PTPRN2: variants seen among roughly 807,000 people sequenced by gnomAD.
The protein encoded by PTPRN2 is receptor-type tyrosine-protein phosphatase N2.
A neutral mutation model predicts 118.8 loss-of-function variants in PTPRN2; 74 were observed. That is an observed-to-expected ratio of 0.62 (90% confidence interval 0.52 to 0.76). The LOEUF (loss-of-function observed/expected upper bound fraction) is 0.76. Among genes scored for constraint, PTPRN2 ranks in the 30% least tolerant of loss-of-function variants. The probability of loss-of-function intolerance (pLI) is 0.00; values close to 1 mark genes in which losing one functional copy is unlikely to be tolerated. For synonymous variants in PTPRN2, 641 were observed against 608.0 expected, an observed-to-expected ratio of 1.05 and a Z score of -0.80; for missense variants, 1,481 against 1,394.4, an observed-to-expected ratio of 1.06 and a Z score of -0.99.
intron 11 of PTPRN2, among the ~76,000 whole-genome samples, chr7:157,950,655 T>C (rs1800751531): frequency 6.6e-6 from 1 of 152,248 alleles, no homozygotes; most frequent in Admixed American, 6.5e-5. Context: ...CAACAAAATC[T>C]GCCATTGCTG....
Position 158,150,312 on chromosome 7 carries a change from C to T in PTPRN2, c.911-11797G>A, listed in dbSNP as rs369954471. Among the ~76,000 whole-genome samples the T allele has an allele frequency of 6.6e-5, 10 of 152,242 alleles. No homozygotes were observed. In the East Asian group the frequency reaches 7.7e-4, roughly 12 times the overall value. On this transcript the variant is annotated intron_variant, in intron 6 of 22. Coordinates refer to ENST00000389418, the MANE Select transcript of PTPRN2 (RefSeq NM_002847.5). Reference sequence around the variant, plus strand: ...CTGCTAAAGGCTAACGTAACCAGAACATTCAGCTGACAAGCATGTTCCATT... The same window carrying T: ...CTGCTAAAGGCTAACGTAACCAGAATATTCAGCTGACAAGCATGTTCCATT...
intron 11 of PTPRN2, among the ~76,000 whole-genome samples, chr7:157,941,854 C>A (rs182252244): frequency 4.5e-4 from 69 of 152,288 alleles, no homozygotes; most frequent in Middle Eastern, 3.4e-3. Flanking sequence ...TCAAGCCTCA[C>A]TGTGTGGCCA....
intron 11 of PTPRN2, among the ~76,000 whole-genome samples, chr7:157,924,302 A>G (rs1021031230): frequency 7.2e-5 from 11 of 152,194 alleles, no homozygotes; most frequent in African/African-American, 2.7e-4. Flanking sequence ...TGTCCATTGG[A>G]ACATCAGAAA....
intron 1 of PTPRN2, among the ~76,000 whole-genome samples, chr7:158,586,753 C>A (rs1298730434): frequency 3.3e-5 from 5 of 152,196 alleles, no homozygotes; most frequent in African/African-American, 1.2e-4. Context: ...CGGCGCTGCC[C>A]GCGGGGGGGT....
chr7:158,203,151 G>A (rs565935150), intron 4 of PTPRN2, among the ~76,000 whole-genome samples: 2 of 136,824 alleles, frequency 1.5e-5, no homozygotes, highest in African/African-American at 5.4e-5. Flanking sequence ...AGAATTGCTT[G>A]AACCCAAGAG....
intron 2 of PTPRN2, among the ~76,000 whole-genome samples, chr7:158,332,396 C>A (rs1468156900): frequency 7.7e-6 from 1 of 129,180 alleles, no homozygotes; most frequent in Non-Finnish European, 1.8e-5. Flanking sequence ...AGATGTCACT[C>A]ACACCCATAC....
chr7:158,008,034 GGT>G (rs1367333780), intron 11 of PTPRN2, among the ~76,000 whole-genome samples: 1 of 142,142 alleles, frequency 7.0e-6, no homozygotes, highest in East Asian at 2.2e-4. Context: ...TGTGTGTGGG[GGT>G]GTGGGTGTGT....
intron 2 of PTPRN2, among the ~76,000 whole-genome samples, chr7:158,412,808 A>G (rs1343545964): frequency 7.9e-6 from 1 of 126,146 alleles, no homozygotes; most frequent in Admixed American, 7.9e-5. Flanking sequence ...TCCAGGGCCC[A>G]TCTCAGCACC....
chr7:157,989,368 G>A (rs1010151038), intron 11 of PTPRN2, among the ~76,000 whole-genome samples: 1 of 152,178 alleles, frequency 6.6e-6, no homozygotes, highest in African/African-American at 2.4e-5. Flanking sequence ...GCAGTGAGCC[G>A]AGATTGCACT....
At position 157,903,446 on chromosome 7, in the gene PTPRN2, G is replaced by A; in HGVS notation, c.1724-4709C>T. 6.6e-6 allele frequency among the ~76,000 whole-genome samples: 1 copy of A among 152,052 alleles called. No homozygotes were observed. Among genetic ancestry groups the A allele is most frequent in the Non-Finnish European group, 1.5e-5 (1 of 68,010 alleles). ...ACCAGTATACCCAGGTCACAAGCCT[G>A]CACATGTACTCCCAGATTCTAAAAT... is the stretch of plus-strand genomic sequence containing the variant. On this transcript the variant is annotated intron_variant, in intron 11 of 22. Transcript: ENST00000389418. This position sits in a 1 kb window ranked among gnomAD's most constrained non-coding sequence, Gnocchi z 4.2.
chr7:158,204,089 C>T (rs545571549), intron 4 of PTPRN2, among the ~76,000 whole-genome samples: 28 of 150,282 alleles, frequency 1.9e-4, no homozygotes, highest in African/African-American at 6.1e-4. Flanking sequence ...GTGGTGAAGA[C>T]GAAGCCCCCG....
chr7:157,989,863 C>T (rs1804110114), intron 11 of PTPRN2, among the ~76,000 whole-genome samples: 1 of 152,094 alleles, frequency 6.6e-6, no homozygotes, highest in South Asian at 2.1e-4. Flanking sequence ...TCCTTCCACA[C>T]TCGGCCAAGG....
At chr7:158,385,065 T>C (rs1255859962) in intron 2 of PTPRN2, among the ~76,000 whole-genome samples, 1 of 152,170 alleles carries the variant, frequency 6.6e-6, no homozygotes, top group East Asian at 1.9e-4. Context: ...CTAATGGAGT[T>C]TCTGATGTTT....
chr7:157,846,990 G>A (rs879050671), intron 12 of PTPRN2, among the ~76,000 whole-genome samples: 2 of 150,012 alleles, frequency 1.3e-5, no homozygotes, highest in Non-Finnish European at 3.0e-5. Flanking sequence ...ACTCCTTCAT[G>A]TGTGGCCAAT....
chr7:158,334,416 T>C (rs866099302), intron 2 of PTPRN2, among the ~76,000 whole-genome samples: 3 of 6,278 alleles, frequency 4.8e-4, no homozygotes, highest in East Asian at 1.9e-3. Context: ...AGGTGAAACC[T>C]GCAGACGTCA....
chr7:157,967,331 T>G (rs781069087), intron 11 of PTPRN2, among the ~76,000 whole-genome samples: 2 of 152,080 alleles, frequency 1.3e-5, no homozygotes, highest in African/African-American at 4.8e-5. Context: ...CAGACAAACT[T>G]ATTGTTCTGC....
At chr7:158,050,799 CTGT>C (rs1205219897) in intron 11 of PTPRN2, among the ~76,000 whole-genome samples, 1 of 152,226 alleles carries the variant, frequency 6.6e-6, no homozygotes, top group Non-Finnish European at 1.5e-5. Context: ...AAAATAAGTC[CTGT>C]TCCTTCCTCT....
intron 1 of PTPRN2, among the ~76,000 whole-genome samples, chr7:158,534,536 T>G (rs1825523043): frequency 6.6e-6 from 1 of 152,178 alleles, no homozygotes; most frequent in South Asian, 2.1e-4. Context: ...CCTGGCTGGA[T>G]GTCTGAACTG....
At chr7:157,594,315 C>T (rs991934699) in intron 17 of PTPRN2, among the ~76,000 whole-genome samples, 14 of 152,234 alleles carry the variant, frequency 9.2e-5, no homozygotes, top group African/African-American at 2.2e-4. Context: ...TTACCAACTC[C>T]GGTGCACAGC....
Sources: allele counts gnomAD v4.1 joint callset (sites outside exome capture counted in the v4.1 genomes callset), GRCh38; gene constraint gnomAD v4.1.1; non-coding constraint Gnocchi (gnomAD v3.1); transcripts MANE v1.5; gene names NCBI Gene and HGNC (gene_info 2026-07-23, HGNC 2026-07-21).